The following M1AP variants were observed in gnomAD, a reference collection of about 807,000 sequenced individuals.
M1AP encodes meiosis 1 arrest protein.
In M1AP, 39 loss-of-function variants were observed where a neutral mutation model predicts 51.2. That is an observed-to-expected ratio of 0.76 (90% CI 0.59 to 1.00). M1AP has a LOEUF of 1.00. M1AP is among the 50% of genes least tolerant of loss of function. M1AP has a pLI of 0.00. For missense variants in M1AP, 545 were observed against 641.2 expected, an observed-to-expected ratio of 0.85 and a Z score of 1.62; for synonymous variants, 251 against 249.2, an observed-to-expected ratio of 1.01 and a Z score of -0.07.
At chr2:74,600,646 C>T (rs1157198744) in intron 4 of M1AP, among the ~76,000 whole-genome samples, 5 of 152,018 alleles carry the variant, frequency 3.3e-5, no homozygotes, top group Admixed American at 2.6e-4. Flanking sequence ...ACAGACAGTT[C>T]CTAGTTCTCC....
rs780373922 is a variant in M1AP, at chr2:74,615,051, C to T, written c.339G>A (p.Arg113=). The T allele has an allele frequency of 2.5e-6, 4 of 1,614,158 alleles. No homozygotes were observed. The highest frequency in any genetic ancestry group is 3.4e-6 in the Non-Finnish European group (4 of 1,180,000). Residue 113 remains arginine, a synonymous_variant, in exon 3 of 11, where the codon CGG becomes CGA. Transcript: ENST00000421985. ...GCTGGAGCCCATCCTCTACTGCCAG[C>T]CGCAGAGAAGCACCTTGTGATCTGA... ...GCFRSQGASL[R]LAVEDGLQQF...
At chr2:74,587,803 C>T (rs1436019514) in intron 4 of M1AP, among the ~76,000 whole-genome samples, 1 of 152,168 alleles carries the variant, frequency 6.6e-6, no homozygotes, top group African/African-American at 2.4e-5. Flanking sequence ...AGGCCTGGTT[C>T]ACTGCAGCCC....
In M1AP at chr2:74,575,402, G is replaced by A. The variant is rs368219097; in HGVS notation, c.1074+36C>T. The stretch of plus-strand genomic sequence containing the variant: ...TTTCTGTGGTTGGTACTTTAAAAAC[G>A]ATTCTTCTTTTTCACCTGGGGACAT... On this transcript the variant is annotated intron_variant, in intron 7 of 10. Coordinates refer to ENST00000421985, the MANE Select transcript of M1AP (RefSeq NM_001321739.2). 7.1e-5 allele frequency: 114 copies of A among 1,612,410 alleles called. No individual in the cohort carries two copies. The South Asian group carries it at 1.1e-3, about 15-fold the overall frequency.
intron 2 of M1AP, among the ~76,000 whole-genome samples, chr2:74,630,720 A>T (rs1682658355): frequency 6.6e-6 from 1 of 151,908 alleles, no homozygotes; most frequent in East Asian, 1.9e-4. Context: ...ATTTTTTTTT[A>T]ATCCAGCCTA....
intron 4 of M1AP, among the ~76,000 whole-genome samples, chr2:74,590,039 C>T (rs1679948905): frequency 1.3e-5 from 2 of 152,220 alleles, no homozygotes; most frequent in South Asian, 4.1e-4. Flanking sequence ...TCCTGGGCTG[C>T]ATGCAGCCTG....
chr2:74,610,808 T>C (rs1297489350), intron 3 of M1AP, among the ~76,000 whole-genome samples: 2 of 152,222 alleles, frequency 1.3e-5, no homozygotes, highest in Admixed American at 1.3e-4. Flanking sequence ...GAGTTAGCTG[T>C]AGGTTTGTCA....
chr2:74,634,310 C>T (rs1682856678), intron 2 of M1AP, among the ~76,000 whole-genome samples: 1 of 152,130 alleles, frequency 6.6e-6, no homozygotes, highest in Non-Finnish European at 1.5e-5. Context: ...GCAAAACTAC[C>T]AGTAGGAAGT....
At position 74,640,034 on chromosome 2, in the gene M1AP, A is replaced by G; in HGVS notation, c.240+2T>C. ...AAAATGAATAAATATAGATATACTT[A>G]CCACAAAAGGGAGGATGCACTCATG... On this transcript the variant is annotated splice_donor_variant, in intron 2 of 10. Coordinates refer to ENST00000421985, the MANE Select transcript of M1AP (RefSeq NM_001321739.2). LOFTEE classifies it high-confidence loss of function. The G allele has an allele frequency of 6.2e-7, 1 of 1,613,006 alleles. No individual in the cohort carries two copies.
At chr2:74,562,530 C>T in intron 7 of M1AP, 107 bp from the exon 8 acceptor site, 3 of 1,256,648 alleles carry the variant, frequency 2.4e-6, no homozygotes, top group South Asian at 2.9e-5. Flanking sequence ...CTGAGGAGGG[C>T]AGAGCCATTT....
At chr2:74,616,743 A>G (rs562529342) in intron 2 of M1AP, among the ~76,000 whole-genome samples, 3 of 152,352 alleles carry the variant, frequency 2.0e-5, no homozygotes, top group Admixed American at 2.0e-4. Context: ...TGTATATACA[A>G]ATTTTGAGAA....
At chr2:74,614,901 CAA>C in intron 3 of M1AP, 61 bp downstream of exon 3, 1 of 1,422,504 alleles carries the variant, frequency 7.0e-7, no homozygotes, top group Non-Finnish European at 9.9e-7. Flanking sequence ...AGATGATAAA[CAA>C]TGACCTATAT....
intron 4 of M1AP, among the ~76,000 whole-genome samples, chr2:74,590,524 T>C (rs978952917): frequency 2.6e-4 from 40 of 152,286 alleles, no homozygotes; most frequent in Non-Finnish European, 1.9e-4. Context: ...ATTTCAAATG[T>C]AGTATTTCAG....
intron 7 of M1AP, among the ~76,000 whole-genome samples, chr2:74,572,513 G>T (rs1374457049): frequency 2.0e-5 from 3 of 152,140 alleles, no homozygotes; most frequent in Non-Finnish European, 4.4e-5. Flanking sequence ...TAGAGACAGG[G>T]TCTCACTCTG....
intron 3 of M1AP, among the ~76,000 whole-genome samples, chr2:74,611,880 G>GTTTT (rs774059491): frequency 3.3e-5 from 2 of 60,358 alleles, no homozygotes; most frequent in African/African-American, 6.3e-5. Context: ...CAACAAAAAA[G>GTTTT]TGTTTTTTTT....
intron 7 of M1AP, among the ~76,000 whole-genome samples, chr2:74,567,117 T>A (rs886073693): frequency 2.6e-5 from 4 of 152,194 alleles, no homozygotes; most frequent in African/African-American, 9.6e-5. Context: ...TCATAAAGAC[T>A]TGGAAAAAAT....
At chr2:74,568,220 T>C (rs1156809180) in intron 7 of M1AP, among the ~76,000 whole-genome samples, 1 of 152,222 alleles carries the variant, frequency 6.6e-6, no homozygotes, top group African/African-American at 2.4e-5. Context: ...CTGTTATGTC[T>C]GAACAGATAG....
At chr2:74,607,275 G>A (rs1558677021) in intron 3 of M1AP, 52 bp from the exon 4 acceptor site, 10 of 1,572,726 alleles carry the variant, frequency 6.4e-6, no homozygotes, top group Admixed American at 1.7e-5. Context: ...TGTACAGAGT[G>A]AGGAACATAA....
At chr2:74,638,096 C>G (rs1370128428) in intron 2 of M1AP, among the ~76,000 whole-genome samples, 1 of 151,904 alleles carries the variant, frequency 6.6e-6, no homozygotes, top group Non-Finnish European at 1.5e-5. Flanking sequence ...GCTCTGTCAC[C>G]CAGGCTGGAG....
chr2:74,591,830 G>C (rs1680055587), intron 4 of M1AP, among the ~76,000 whole-genome samples: 1 of 152,046 alleles, frequency 6.6e-6, no homozygotes, highest in African/African-American at 2.4e-5. Context: ...CTGTCCTCTA[G>C]GATGGAGTGC....
Sources: allele counts gnomAD v4.1 joint callset (sites outside exome capture counted in the v4.1 genomes callset), GRCh38; gene constraint gnomAD v4.1.1; transcripts MANE v1.5; gene names NCBI Gene and HGNC (gene_info 2026-07-23, HGNC 2026-07-21).